Variants in PARD3 observed in about 807,000 individuals in gnomAD.
PARD3 encodes the protein partitioning defective 3 homolog.
A neutral mutation model predicts 155.4 loss-of-function variants in PARD3; 75 were observed. The observed-to-expected ratio is 0.48, with a 90% CI of 0.40 to 0.58. The LOEUF (loss-of-function observed/expected upper bound fraction) is 0.58, where lower values mean the gene tolerates loss of function less well. Ranked by LOEUF, PARD3 falls within the 20% of genes least tolerant of loss-of-function variation. The pLI is 0.00. For missense variants in PARD3, 1,642 were observed against 1,721.7 expected, an observed-to-expected ratio of 0.95 and a Z score of 0.82; for synonymous variants, 576 against 610.5, an observed-to-expected ratio of 0.94 and a Z score of 0.83.
chr10:34,295,805 T>C (rs754162984), intron 20 of PARD3, among the ~76,000 whole-genome samples: 1 of 152,120 alleles, frequency 6.6e-6, no homozygotes, highest in Non-Finnish European at 1.5e-5. Context: ...AGAGACTCTA[T>C]TGAGGAAATA....
intron 1 of PARD3, among the ~76,000 whole-genome samples, chr10:34,767,825 G>A (rs944764224): frequency 1.3e-5 from 2 of 151,858 alleles, no homozygotes; most frequent in African/African-American, 2.4e-5. Flanking sequence ...ACATGGTGGC[G>A]CACCCTTGTA....
At position 34,382,666 on chromosome 10, in the gene PARD3, C is replaced by T. The variant is rs547955907; in HGVS notation, c.1273G>A (p.Ala425Thr). ...GATGGTGGTTTTCCCGAGGGGTGTG[C>T]GCTATGAGGTAGTCTTGAGTGAGAG... Reference protein sequence around the residue: ...IDSHSRLPHSAHPSGKPPSAP... With the variant: ...IDSHSRLPHSTHPSGKPPSAP... Residue 425 changes from alanine (A) to threonine (T), a missense_variant, in exon 9 of 25, where the codon GCA becomes ACA. Ala to Thr is a moderately conservative substitution (Grantham distance 58). Coordinates refer to ENST00000374788, the MANE Select transcript of PARD3 (RefSeq NM_001184785.2). 8.7e-6 allele frequency: 14 copies of T among 1,614,062 alleles called. No individual in the cohort carries two copies. The highest frequency in any genetic ancestry group is 1.1e-5 in the South Asian group (1 of 91,068).
At chr10:34,200,105 C>A (rs1352886811) in intron 22 of PARD3, among the ~76,000 whole-genome samples, 1 of 151,340 alleles carries the variant, frequency 6.6e-6, no homozygotes, top group Non-Finnish European at 1.5e-5. Context: ...AAATAACAAT[C>A]ATAATCACAA....
chr10:34,529,257 T>C (rs377212689), intron 2 of PARD3, among the ~76,000 whole-genome samples: 10 of 152,208 alleles, frequency 6.6e-5, no homozygotes, highest in African/African-American at 2.4e-4. Flanking sequence ...AACTCAAACC[T>C]GGGTAACTGC....
chr10:34,550,207 G>A (rs1036558911), intron 2 of PARD3, among the ~76,000 whole-genome samples: 11 of 152,138 alleles, frequency 7.2e-5, no homozygotes, highest in Non-Finnish European at 1.0e-4. Context: ...AGACAGGCGG[G>A]TCACTGCCAT....
intron 22 of PARD3, among the ~76,000 whole-genome samples, chr10:34,136,405 C>A (rs1219507588): frequency 2.0e-5 from 3 of 152,148 alleles, no homozygotes; most frequent in Admixed American, 1.3e-4. Context: ...AATGCTTTAA[C>A]ATTTGCATTT....
Position 34,374,930 on chromosome 10 carries a change from C to T in PARD3, c.1612G>A (p.Gly538Arg). Residue 538 changes from glycine to arginine, a missense_variant, in exon 11 of 25, where the codon GGA becomes AGA. Transcript: ENST00000374788. ...VSLLRSTKME[G>R]TVSLLVFRQE... ...CGAAAGACCAGAAGGCTCACAGTTC[C>T]TTCCATCTTGGTGCTTCTCAACAGC... The T allele has an allele frequency of 1.2e-6, 2 of 1,613,940 alleles. No homozygotes were observed. The highest frequency in any genetic ancestry group is 1.3e-5 in the African/African-American group (1 of 75,024).
intron 22 of PARD3, chr10:34,201,835 T>G (rs1951229428): frequency 6.6e-6 from 1 of 152,234 alleles, no homozygotes; most frequent in African/African-American, 2.4e-5. Context: ...AAACATTCAC[T>G]GAGCACTCAC....
At chr10:34,405,491 T>C (rs925577148) in intron 5 of PARD3, among the ~76,000 whole-genome samples, 5 of 152,192 alleles carry the variant, frequency 3.3e-5, no homozygotes, top group Admixed American at 6.5e-5. Context: ...ATTTTCAATG[T>C]AGAATGTCTT....
At chr10:34,696,999 C>A (rs1052921667) in intron 1 of PARD3, among the ~76,000 whole-genome samples, 75 of 144,032 alleles carry the variant, frequency 5.2e-4, no homozygotes, top group African/African-American at 2.2e-3. Context: ...CAAAATGACA[C>A]ACACACACAC....
intron 2 of PARD3, among the ~76,000 whole-genome samples, chr10:34,648,336 T>C (rs1016555885): frequency 2.6e-5 from 4 of 152,216 alleles, no homozygotes; most frequent in Non-Finnish European, 2.9e-5. Flanking sequence ...TTAAAACCAA[T>C]GCCAAGAGCT....
intron 22 of PARD3, among the ~76,000 whole-genome samples, chr10:34,220,292 T>C (rs948069348): frequency 3.3e-5 from 5 of 152,086 alleles, no homozygotes; most frequent in Admixed American, 6.5e-5. Context: ...CCCGCGTTTT[T>C]AAAAAATATG....
In PARD3 at chr10:34,500,904, T is replaced by C. The variant is rs569094183; in HGVS notation, c.403+16075A>G. 4.1e-4 allele frequency among the ~76,000 whole-genome samples: 62 copies of C among 152,232 alleles called. 1 individual carries two copies. The South Asian group carries it at 9.5e-3, about 23-fold the overall frequency. On this transcript the variant is annotated intron_variant, in intron 3 of 24. Coordinates refer to ENST00000374788, the MANE Select transcript of PARD3 (RefSeq NM_001184785.2). ...GAATGAAACTTCCTAACATGCACAA[T>C]ATTCACAACCTGTACATAATTTTTC...
chr10:34,204,913 A>G (rs1951398141), intron 22 of PARD3, among the ~76,000 whole-genome samples: 1 of 152,186 alleles, frequency 6.6e-6, no homozygotes, highest in African/African-American at 2.4e-5. Context: ...TTATAATCAT[A>G]TTAAAGAACT....
chr10:34,565,438 T>C (rs2085853673), intron 2 of PARD3, among the ~76,000 whole-genome samples: 1 of 151,776 alleles, frequency 6.6e-6, no homozygotes, highest in Non-Finnish European at 1.5e-5. Context: ...CAGCTACCTT[T>C]GTATTTTTAG....
chr10:34,321,116 A>T (rs1958348693), intron 19 of PARD3, among the ~76,000 whole-genome samples: 1 of 152,200 alleles, frequency 6.6e-6, no homozygotes, highest in South Asian at 2.1e-4. Flanking sequence ...AAATATACAT[A>T]TTCAAAGTCA....
chr10:34,474,606 A>G (rs1047264381), intron 3 of PARD3, among the ~76,000 whole-genome samples: 1 of 152,246 alleles, frequency 6.6e-6, no homozygotes, highest in African/African-American at 2.4e-5. Flanking sequence ...TACATTAGAC[A>G]CATGGAAAAA....
chr10:34,616,958 T>C (rs1420573530), intron 2 of PARD3, among the ~76,000 whole-genome samples: 2 of 142,438 alleles, frequency 1.4e-5, no homozygotes, highest in South Asian at 2.2e-4. Flanking sequence ...AATAACTAAA[T>C]TAAAAAGTTG....
rs1554851811 is a variant in PARD3 at position 34,413,180 on chromosome 10, C to CATAT, written c.715-11267_715-11264dup. ...ACACACACACACACACACACACACACATATATATAAGACTTTGTAACTGAT... is the reference window on the plus strand; with the variant it reads ...ACACACACACACACACACACACACACATATATATATATAAGACTTTGTAACTGAT... On this transcript the variant is annotated intron_variant, in intron 5 of 24. Transcript: ENST00000374788. 7.6e-5 allele frequency among the ~76,000 whole-genome samples: 11 copies of CATAT among 145,282 alleles called. No individual in the cohort carries two copies. The South Asian group carries it at 1.6e-3, about 21-fold the overall frequency.
Sources: allele counts gnomAD v4.1 joint callset (sites outside exome capture counted in the v4.1 genomes callset), GRCh38; gene constraint gnomAD v4.1.1; transcripts MANE v1.5; gene names NCBI Gene and HGNC (gene_info 2026-07-23, HGNC 2026-07-21).